ATIC: variants seen among roughly 807,000 people sequenced by gnomAD.
ATIC encodes the protein bifunctional purine biosynthesis protein ATIC.
Under a neutral mutation model 72.5 loss-of-function variants are expected in ATIC, and 64 were observed. The observed-to-expected ratio is 0.88, with a 90% confidence interval of 0.72 to 1.09. The LOEUF is 1.09. Among genes scored for constraint, ATIC ranks in the 50% least tolerant of loss-of-function variants. The probability of loss-of-function intolerance (pLI) is 0.00; values close to 1 mark genes in which losing one functional copy is unlikely to be tolerated. For synonymous variants in ATIC, 281 were observed against 267.1 expected (o/e 1.05, Z -0.51); for missense variants, 787 against 732.4 (o/e 1.07, Z -0.86).
chr2:215,345,185 A>G (rs543684800), intron 13 of ATIC: 26 of 391,500 alleles, frequency 6.6e-5, no homozygotes, highest in Non-Finnish European at 1.2e-4. Context: ...CCCCATTGGT[A>G]TTATTTCCAG....
At chr2:215,318,618 T>C (rs2052734921) in intron 3 of ATIC, among the ~76,000 whole-genome samples, 1 of 152,194 alleles carries the variant, frequency 6.6e-6, no homozygotes, top group South Asian at 2.1e-4. Flanking sequence ...CAAAGTGCTT[T>C]ACATTTGTTC....
chr2:215,329,657 CTATT>C (rs2052868214), intron 7 of ATIC, among the ~76,000 whole-genome samples: 1 of 152,112 alleles, frequency 6.6e-6, no homozygotes. Flanking sequence ...AAGAAAATTC[CTATT>C]TATTTCAGCT....
At chr2:215,339,652 T>G (rs1478033629) in intron 12 of ATIC, among the ~76,000 whole-genome samples, 4 of 152,190 alleles carry the variant, frequency 2.6e-5, no homozygotes, top group Non-Finnish European at 5.9e-5. Context: ...TTATTTTTTC[T>G]GAGACAGAGT....
At chr2:215,364,941 C>G in the ATIC span, 3 of 1,580,456 alleles carry the variant, frequency 1.9e-6, no homozygotes, top group Non-Finnish European at 2.6e-6. Context: ...TGCCACTGTT[C>G]TCCTACGTGG....
intron 4 of ATIC, among the ~76,000 whole-genome samples, chr2:215,320,382 C>T (rs1474397): frequency 0.93 from 141,787 of 152,106 alleles, 66,879 homozygotes; most frequent in East Asian, 1. Context: ...TTTATGAAAA[C>T]AGGTTTATTT....
chr2:215,333,003 G>A (rs1343420334), intron 8 of ATIC, among the ~76,000 whole-genome samples: 1 of 152,134 alleles, frequency 6.6e-6, no homozygotes, highest in African/African-American at 2.4e-5. Flanking sequence ...AAAGTGATGT[G>A]AGTGGGGAAG....
downstream of ATIC, among the ~76,000 whole-genome samples, chr2:215,352,421 A>C (rs999934873): frequency 6.6e-6 from 1 of 152,082 alleles, no homozygotes; most frequent in Non-Finnish European, 1.5e-5. Context: ...GTCTCTACTA[A>C]AATTACAAAA....
the ATIC span, chr2:215,361,841 A>C: frequency 7.6e-7 from 1 of 1,318,616 alleles, no homozygotes; most frequent in Non-Finnish European, 1.0e-6. Flanking sequence ...ACAGTGTTTC[A>C]CTTAAGTCAT....
At position 215,317,853 on chromosome 2, in the gene ATIC, T is replaced by G. The variant is rs192063891; in HGVS notation, c.147-304T>G. 3.9e-4 allele frequency among the ~76,000 whole-genome samples: 59 copies of G among 152,288 alleles called. No individual in the cohort carries two copies. The South Asian group carries it at 7.0e-3, about 18-fold the overall frequency. On this transcript the variant is annotated intron_variant, in intron 2 of 15. Coordinates refer to ENST00000236959, the MANE Select transcript of ATIC (RefSeq NM_004044.7). ...TCTCAGTTGTATGTCTTAGTAATAT[T>G]TAATGAGTATGGCTTATGATTCAGT...
chr2:215,327,809 A>G (rs2052845465), intron 7 of ATIC, among the ~76,000 whole-genome samples: 1 of 151,174 alleles, frequency 6.6e-6, no homozygotes, highest in Non-Finnish European at 1.5e-5. Flanking sequence ...GCGATGGGGG[A>G]GGGGAGCAGC....
At chr2:215,335,426 C>CTGT (rs2052943946) in intron 10 of ATIC, among the ~76,000 whole-genome samples, 1 of 151,924 alleles carries the variant, frequency 6.6e-6, no homozygotes, top group African/African-American at 2.4e-5. Context: ...GGTGGGGGTA[C>CTGT]TGTTGGTAGT....
At chr2:215,343,280 T>C (rs556205622) in intron 12 of ATIC, among the ~76,000 whole-genome samples, 111 of 152,318 alleles carry the variant, frequency 7.3e-4, no homozygotes, top group African/African-American at 2.5e-3. Flanking sequence ...TGTATCCTTT[T>C]TGGTGAAAAT....
chr2:215,325,873 C>T (rs2052818268), intron 5 of ATIC, 114 bp from the exon 6 acceptor site: 21 of 1,364,088 alleles, frequency 1.5e-5, no homozygotes, highest in Non-Finnish European at 2.0e-5. Flanking sequence ...GCTTATTTTC[C>T]TGATTTTTAA....
At position 215,336,086 on chromosome 2, in the gene ATIC, C is replaced by T; in HGVS notation, c.1060C>T (p.Leu354Phe). 1.2e-6 allele frequency: 2 copies of T among 1,613,258 alleles called. No homozygotes were observed. The highest frequency in any genetic ancestry group is 1.7e-6 in the Non-Finnish European group (2 of 1,179,494). Residue 354 changes from leucine to phenylalanine, a missense_variant, in exon 11 of 16, where the codon CTT (leucine) becomes TTT (phenylalanine). By Grantham distance (22) the Leu-to-Phe change is conservative. Coordinates refer to ENST00000236959, the MANE Select transcript of ATIC (RefSeq NM_004044.7). Reference protein sequence around the residue: ...PGYEEEALTILSKKKNGNYCV... With the variant: ...PGYEEEALTIFSKKKNGNYCV... ...ATATGAAGAAGAAGCCTTGACAATA[C>T]TTTCCAAAAAGAAAAATGGAAACTA...
chr2:215,361,472 TA>T, the ATIC span: 1 of 997,144 alleles, frequency 1.0e-6, no homozygotes, highest in Non-Finnish European at 1.6e-6. Context: ...AGAAGAACTC[TA>T]AGCTGGGTCT....
chr2:215,365,543 CAT>C, the ATIC span: 1 of 1,614,028 alleles, frequency 6.2e-7, no homozygotes, highest in Non-Finnish European at 8.5e-7. Flanking sequence ...GTTCCCAAGA[CAT>C]GTGCAGCTCA....
Position 215,349,241 on chromosome 2 carries a change from G to C in ATIC, c.1651G>C (p.Ala551Pro), listed in dbSNP as rs772855164. 2 of 1,614,186 alleles carry C rather than the reference G, an allele frequency of 1.2e-6. No homozygotes were observed. Among genetic ancestry groups the C allele is most frequent in the Non-Finnish European group, 1.7e-6 (2 of 1,180,032 alleles). The part of the protein sequence containing the change: ...FFPFRDNVDR[A>P]KRSGVAYIAA... ...CCCTTTCCGAGATAACGTAGACAGAGCTAAAAGGGTAAGTATGGAATTGGG... is the reference window on the plus strand; with the variant it reads ...CCCTTTCCGAGATAACGTAGACAGACCTAAAAGGGTAAGTATGGAATTGGG... The change falls in exon 15 of 16, where the codon GCT becomes CCT. Residue 551 changes from alanine to proline, a missense_variant. Transcript: ENST00000236959.
chr2:215,331,531 C>T (rs62204765), intron 7 of ATIC, among the ~76,000 whole-genome samples: 31,296 of 151,672 alleles, frequency 0.21, 3,565 homozygotes, highest in East Asian at 0.5. Context: ...TACATGCGCC[C>T]GCCACCACAC....
rs76012683 is a variant in ATIC at position 215,332,338 on chromosome 2, T to G, written c.689-44T>G. On this transcript the variant is annotated intron_variant, in intron 7 of 15. Transcript: ENST00000236959. ...TGAGAAGTGTGCATACATCTGACCTTACTGATCCTGCTTAGTAATGTGCAT... is the reference window on the plus strand; with the variant it reads ...TGAGAAGTGTGCATACATCTGACCTGACTGATCCTGCTTAGTAATGTGCAT... 1,582 of 1,613,576 alleles carry G rather than the reference T, an allele frequency of 9.8e-4. 14 individuals carry two copies. In the African/African-American group the frequency reaches 0.018, roughly 19 times the overall value.
Sources: allele counts gnomAD v4.1 joint callset (sites outside exome capture counted in the v4.1 genomes callset), GRCh38; gene constraint gnomAD v4.1.1; transcripts MANE v1.5; gene names NCBI Gene and HGNC (gene_info 2026-07-23, HGNC 2026-07-21).